ZBTB1: variants seen among roughly 807,000 people sequenced by gnomAD.
The protein encoded by ZBTB1 is zinc finger and BTB domain containing 1, also known as zinc finger and BTB domain-containing protein 1.
ZBTB1 carries 13 observed loss-of-function variants against 51.6 expected under a neutral mutation model. That is an observed-to-expected ratio of 0.25 (90% CI 0.16 to 0.40). The LOEUF (loss-of-function observed/expected upper bound fraction) is 0.40, where lower values mean the gene tolerates loss of function less well. ZBTB1 is among the 10% of genes least tolerant of loss of function. The probability of loss-of-function intolerance (pLI) is 1.00; values close to 1 mark genes in which losing one functional copy is unlikely to be tolerated. For synonymous variants in ZBTB1, 240 were observed against 282.2 expected, an observed-to-expected ratio of 0.85 and a Z score of 1.50; for missense variants, 567 against 856.5, an observed-to-expected ratio of 0.66 and a Z score of 4.22.
intron 1 of ZBTB1, among the ~76,000 whole-genome samples, chr14:64,513,163 C>CACATACATGTATAT (rs199938650): frequency 5.3e-5 from 8 of 151,970 alleles, no homozygotes; most frequent in African/African-American, 1.9e-4. Flanking sequence ...CACACATACA[C>CACATACATGTATAT]ACATACATGT....
intron 1 of ZBTB1, chr14:64,518,621 T>A (rs2079822322): frequency 6.6e-6 from 1 of 152,076 alleles, no homozygotes; most frequent in African/African-American, 2.4e-5. Flanking sequence ...GAGTGAACAT[T>A]TTATTTCTCT....
At chr14:64,531,414 T>A in intron 2 of ZBTB1, among the ~76,000 whole-genome samples, 1 of 152,166 alleles carries the variant, frequency 6.6e-6, no homozygotes, top group Non-Finnish European at 1.5e-5. Flanking sequence ...TGCTTCATTT[T>A]CATTTGCAGA....
At chr14:64,520,982 C>T (rs1272219558) in intron 1 of ZBTB1, among the ~76,000 whole-genome samples, 1 of 152,070 alleles carries the variant, frequency 6.6e-6, no homozygotes, top group South Asian at 2.1e-4. Flanking sequence ...CCACTTTAGC[C>T]TCCCAAGTAA....
In ZBTB1 at chr14:64,523,464, A is replaced by T. The variant is rs2079879182; in HGVS notation, c.1960A>T (p.Ile654Phe). 1.2e-6 allele frequency: 2 copies of T among 1,614,016 alleles called. No homozygotes were observed. Among genetic ancestry groups the T allele is most frequent in the Non-Finnish European group, 1.7e-6 (2 of 1,179,992 alleles). ...FRKHDHVRHM[I>F]SHLSAGETIC... The stretch of plus-strand genomic sequence containing the variant: ...AAAACATGACCATGTACGGCATATG[A>T]TTTCTCATTTATCTGCTGGTGAGAC... Residue 654 changes from isoleucine to phenylalanine, a missense_variant, in exon 2 of 2, where the codon ATT becomes TTT. Physicochemically the swap from Ile to Phe is conservative, Grantham distance 21 (BLOSUM62 0). Coordinates refer to ENST00000683701, the MANE Select transcript of ZBTB1 (RefSeq NM_001123329.2). This position sits in a 1 kb window ranked among gnomAD's most constrained non-coding sequence, Gnocchi z 4.5.
rs763987292 is a variant in ZBTB1 at position 64,522,444 on chromosome 14, G to A, written c.940G>A (p.Glu314Lys). The A allele has an allele frequency of 1.2e-5, 19 of 1,613,900 alleles. No individual in the cohort carries two copies. Among genetic ancestry groups the A allele is most frequent in the Admixed American group, 5.0e-5 (3 of 59,994 alleles). ...SSTVESEIAS[E>K]EKSRAAERKR... ...CACAGTGGAGTCTGAAATAGCAAGC[G>A]AAGAGAAAAGCAGAGCTGCTGAGAG... is the stretch of plus-strand genomic sequence containing the variant. Residue 314 changes from glutamate (E) to lysine (K), a missense_variant, in exon 2 of 2, where the codon GAA becomes AAA. By Grantham distance (56) the Glu-to-Lys change is moderately conservative (BLOSUM62 1). This residue lies in a region of ZBTB1 where 329 missense variants were observed against 406.3 expected (regional missense o/e 0.81). Coordinates refer to ENST00000683701, the MANE Select transcript of ZBTB1 (RefSeq NM_001123329.2).
exon 3 of ZBTB1, chr14:64,533,254 C>T (rs1192439778): frequency 1.3e-5 from 2 of 151,976 alleles, no homozygotes; most frequent in Non-Finnish European, 1.5e-5. Flanking sequence ...GTGAATTCTA[C>T]TGCTTTAAGA....
intron 1 of ZBTB1, among the ~76,000 whole-genome samples, chr14:64,512,928 G>A (rs2079740345): frequency 6.6e-6 from 1 of 152,090 alleles, no homozygotes; most frequent in Non-Finnish European, 1.5e-5. Context: ...ATGATCTTGG[G>A]CTTAGAGTCA....
chr14:64,521,947 C>T lies in ZBTB1; in HGVS notation c.443C>T (p.Thr148Ile), dbSNP rs1272879068. The change falls in exon 2 of 2, where the codon ACT (threonine) becomes ATT (isoleucine). Residue 148 changes from threonine to isoleucine, a missense_variant. Thr to Ile is a moderately conservative substitution (Grantham distance 89). Transcript: ENST00000683701. ...MIFGVRMYEDTVARNGNEANR... is the reference protein window; with the variant it reads ...MIFGVRMYEDIVARNGNEANR... ...TTTGGGGTAAGAATGTATGAAGATA[C>T]TGTGGCTCGAAATGGCAATGAAGCC... 6.2e-7 allele frequency: 1 copy of T among 1,614,210 alleles called. No individual in the cohort carries two copies. Among genetic ancestry groups the T allele is most frequent in the South Asian group, 1.1e-5 (1 of 91,088 alleles).
intron 2 of ZBTB1, among the ~76,000 whole-genome samples, chr14:64,531,152 A>G (rs1349676815): frequency 6.6e-6 from 1 of 152,236 alleles, no homozygotes; most frequent in Non-Finnish European, 1.5e-5. Context: ...ATCAAACACA[A>G]TCAGGAGAGC....
chr14:64,529,801 C>A (rs1210415482), downstream of ZBTB1, among the ~76,000 whole-genome samples: 1 of 151,926 alleles, frequency 6.6e-6, no homozygotes, highest in Non-Finnish European at 1.5e-5. Flanking sequence ...TTCATCATAT[C>A]TTTGACTAAT....
At chr14:64,506,285 C>T (rs1328004529) in intron 1 of ZBTB1, among the ~76,000 whole-genome samples, 1 of 152,202 alleles carries the variant, frequency 6.6e-6, no homozygotes, top group Non-Finnish European at 1.5e-5. Context: ...GTAATCCCAA[C>T]ACTTTGGGAG....
chr14:64,509,482 AT>A (rs1460674335), intron 1 of ZBTB1, among the ~76,000 whole-genome samples: 1 of 152,206 alleles, frequency 6.6e-6, no homozygotes. Flanking sequence ...GTGTTAGGTT[AT>A]TTGGGATCGG....
intron 1 of ZBTB1, among the ~76,000 whole-genome samples, chr14:64,519,293 C>T (rs1240874590): frequency 9.9e-5 from 15 of 151,414 alleles, no homozygotes; most frequent in East Asian, 1.9e-4. Flanking sequence ...GGATTACAGG[C>T]GCCCGCTATC....
downstream of ZBTB1, chr14:64,525,065 GCT>G (rs1253841978): frequency 2.2e-5 from 9 of 401,070 alleles, no homozygotes; most frequent in African/African-American, 1.5e-4. Context: ...TAATAGCATT[GCT>G]CTTTTTGTTC....
At chr14:64,511,879 G>A (rs2079728050) in intron 1 of ZBTB1, among the ~76,000 whole-genome samples, 1 of 152,206 alleles carries the variant, frequency 6.6e-6, no homozygotes, top group South Asian at 2.1e-4. Context: ...AAAACAGCCA[G>A]CCGGGTGATG....
intron 1 of ZBTB1, 74 bp downstream of exon 1, chr14:64,505,020 G>C (rs991573552): frequency 2.6e-6 from 1 of 386,872 alleles, no homozygotes; most frequent in Non-Finnish European, 4.6e-6. Flanking sequence ...CGCGGGCCTG[G>C]CGGAGTGCGG....
chr14:64,504,331 G>T (rs1201651387), upstream of ZBTB1, among the ~76,000 whole-genome samples: 1 of 151,608 alleles, frequency 6.6e-6, no homozygotes, highest in East Asian at 2.0e-4. Context: ...ACTCGAGGCG[G>T]ACCGCGAGTG....
Position 64,504,846 on chromosome 14 carries a change from C to A in ZBTB1, c.-119C>A, listed in dbSNP as rs981172455. 7.6e-6 allele frequency: 3 copies of A among 396,086 alleles called. No individual in the cohort carries two copies. Among genetic ancestry groups the A allele is most frequent in the African/African-American group, 2.1e-5 (1 of 48,368 alleles). The allele number at this position is 396,086 out of a possible 1,614,324, so 24.5% of individuals were successfully genotyped here. ...GAGCGCCGAGCGCCGCGCGCCGCCG[C>A]CACTGCAGCTCGCGGCCCCTTCGCC... On this transcript the variant is annotated 5_prime_UTR_variant, in exon 1 of 2. Coordinates refer to ENST00000683701, the MANE Select transcript of ZBTB1 (RefSeq NM_001123329.2).
intron 1 of ZBTB1, among the ~76,000 whole-genome samples, chr14:64,517,326 T>G (rs2079797042): frequency 6.6e-6 from 1 of 152,194 alleles, no homozygotes; most frequent in Non-Finnish European, 1.5e-5. Flanking sequence ...AGAAGCCAGG[T>G]CTGTCTGATC....
Sources: allele counts gnomAD v4.1 joint callset (sites outside exome capture counted in the v4.1 genomes callset), GRCh38; gene constraint gnomAD v4.1.1; regional missense constraint gnomAD v4.1.1; non-coding constraint Gnocchi (gnomAD v3.1); transcripts MANE v1.5; gene names NCBI Gene and HGNC (gene_info 2026-07-23, HGNC 2026-07-21).